The following GPI variants were observed in gnomAD, a reference collection of about 807,000 sequenced individuals.
The protein encoded by GPI is glucose-6-phosphate isomerase.
A neutral mutation model predicts 75.8 loss-of-function variants in GPI; 56 were observed. That is an observed-to-expected ratio of 0.74 (90% CI 0.60 to 0.92). GPI has a LOEUF of 0.92. Ranked by LOEUF, GPI falls within the 40% of genes least tolerant of loss-of-function variation. The pLI is 0.00. For synonymous variants in GPI, 288 were observed against 285.4 expected, an observed-to-expected ratio of 1.01 and a Z score of -0.09; for missense variants, 638 against 741.0, an observed-to-expected ratio of 0.86 and a Z score of 1.61.
chr19:34,363,744 A>G (rs949053497), upstream of GPI, among the ~76,000 whole-genome samples: 7 of 152,094 alleles, frequency 4.6e-5, no homozygotes, highest in Admixed American at 1.3e-4. Flanking sequence ...CGCTTGAACC[A>G]GGGAGGTGGA....
chr19:34,396,237 C>G, intron 12 of GPI, 64 bp from the exon 13 acceptor site: 1 of 1,593,360 alleles, frequency 6.3e-7, no homozygotes, highest in Non-Finnish European at 8.6e-7. Flanking sequence ...TGCGCTCAGC[C>G]TCTTTCTTTC....
At chr19:34,368,972 A>G (rs1009408186) in intron 4 of GPI, among the ~76,000 whole-genome samples, 3 of 152,106 alleles carry the variant, frequency 2.0e-5, no homozygotes, top group Non-Finnish European at 4.4e-5. Flanking sequence ...ACTCATGGTG[A>G]CAAACCACAG....
At chr19:34,379,426 C>A (rs1314267324) in intron 7 of GPI, 92 bp from the exon 8 acceptor site, 6 of 1,083,992 alleles carry the variant, frequency 5.5e-6, no homozygotes, top group South Asian at 1.2e-5. Flanking sequence ...GAATCTCAGT[C>A]CCATGCAGGG....
At chr19:34,361,705 G>T (rs1344044249), upstream of GPI, among the ~76,000 whole-genome samples, 1 of 152,148 alleles carries the variant, frequency 6.6e-6, no homozygotes, top group Non-Finnish European at 1.5e-5. Flanking sequence ...TCCAGGCTGG[G>T]CGCGGTGTTG....
In GPI at chr19:34,401,049, C is replaced by CT. The variant is rs1259828098; in HGVS notation, c.*1027dup. 1,793 of 120,130 alleles carry CT rather than the reference C, an allele frequency of 0.015. 38 individuals are homozygous for CT. Among genetic ancestry groups the CT allele is most frequent in the African/African-American group, 0.05 (1,578 of 31,674 alleles). 7.4% of individuals were successfully genotyped at this position (120,130 alleles called of 1,614,324 possible). A position where few individuals can be genotyped will look rare whatever the true frequency, so the allele number is the denominator to read the frequency against. On this transcript the variant is annotated 3_prime_UTR_variant, in exon 18 of 18. Transcript: ENST00000356487. ...CCCATTTTTTTTTTTTTTTTGACAA[C>CT]TTTTTTTTTTTTTTGAGACAGGGTC...
chr19:34,379,909 G>C, intron 8 of GPI: 1 of 412,662 alleles, frequency 2.4e-6, no homozygotes, highest in Non-Finnish European at 4.4e-6. Context: ...GGTAGAGGAT[G>C]CATTCCATTT....
At chr19:34,361,493 T>C (rs1181203912), upstream of GPI, among the ~76,000 whole-genome samples, 2 of 152,206 alleles carry the variant, frequency 1.3e-5, no homozygotes, top group African/African-American at 4.8e-5. Flanking sequence ...AGCATGGAGC[T>C]GTGCACGTAG....
At chr19:34,377,689 T>A in intron 5 of GPI, 46 bp from the exon 6 acceptor site, 2 of 1,610,280 alleles carry the variant, frequency 1.2e-6, no homozygotes, top group South Asian at 2.2e-5. Context: ...TCTCCACTTT[T>A]CGTGGGCCCT....
intron 16 of GPI, 36 bp downstream of exon 16, chr19:34,399,667 G>C: frequency 6.2e-7 from 1 of 1,613,644 alleles, no homozygotes; most frequent in Non-Finnish European, 8.5e-7. Context: ...GCTTGGGGTA[G>C]GTTGGAATGG....
In GPI at chr19:34,366,863, C is replaced by T. The variant is rs1326315975; in HGVS notation, c.282+12C>T. 1.3e-6 allele frequency: 2 copies of T among 1,597,630 alleles called. No homozygotes were observed. The highest frequency in any genetic ancestry group is 1.3e-5 in the African/African-American group (1 of 74,742). ...TCAACTACACCGAGGTGAGCAGGCC[C>T]CACATACCCTCTGGGGCCTCCTTCC... On this transcript the variant is annotated intron_variant, in intron 3 of 17. Coordinates refer to ENST00000356487, the MANE Select transcript of GPI (RefSeq NM_000175.5).
At chr19:34,378,783 C>T in intron 6 of GPI, 151 bp from the exon 7 acceptor site, 1 of 703,406 alleles carries the variant, frequency 1.4e-6, no homozygotes. Flanking sequence ...GCTGGAATCT[C>T]AGGAGGTTAT....
At position 34,400,015 on chromosome 19, in the gene GPI, G is replaced by A; in HGVS notation, c.1656G>A (p.Gln552=). 6.2e-7 allele frequency: 1 copy of A among 1,613,028 alleles called. No homozygotes were observed. The highest frequency in any genetic ancestry group is 1.3e-5 in the African/African-American group (1 of 75,008). ...TNGLINFIKQ[Q]REARVQ The stretch of plus-strand genomic sequence containing the variant: ...GGCTCATCAACTTCATCAAGCAGCA[G>A]CGCGAGGCCAGAGTCCAATAAACTC... Residue 552 remains glutamine (Q), a synonymous_variant, in exon 18 of 18, where the codon CAG becomes CAA. Coordinates refer to ENST00000356487, the MANE Select transcript of GPI (RefSeq NM_000175.5).
chr19:34,384,212 C>T (rs1568339162), intron 9 of GPI, among the ~76,000 whole-genome samples: 3 of 152,072 alleles, frequency 2.0e-5, no homozygotes, highest in Non-Finnish European at 4.4e-5. Context: ...CCTGGGTCCC[C>T]TGGGAAGAGA....
At chr19:34,361,918 C>T (rs2074303529), upstream of GPI, among the ~76,000 whole-genome samples, 1 of 151,886 alleles carries the variant, frequency 6.6e-6, no homozygotes, top group Non-Finnish European at 1.5e-5. Flanking sequence ...AGATCGAGAC[C>T]ATCCTGGTCA....
Position 34,399,216 on chromosome 19 carries a change from G to A in GPI, c.1279G>A (p.Ala427Thr). The change falls in exon 15 of 18, where the codon GCC becomes ACC. Residue 427 changes from alanine (A) to threonine (T), a missense_variant. Ala to Thr is a moderately conservative substitution (Grantham distance 58). Coordinates refer to ENST00000356487, the MANE Select transcript of GPI (RefSeq NM_000175.5). ...RKGLHHKILLANFLAQTEALM... is the reference protein window; with the variant it reads ...RKGLHHKILLTNFLAQTEALM... Reference sequence around the variant, plus strand: ...ATGTCTCGCTCATCAGATCCTCCTGGCCAACTTCTTGGCCCAGACAGAGGC... The same window carrying A: ...ATGTCTCGCTCATCAGATCCTCCTGACCAACTTCTTGGCCCAGACAGAGGC... 6.2e-7 allele frequency: 1 copy of A among 1,613,046 alleles called. No individual in the cohort carries two copies.
At chr19:34,392,203 GCC>G (rs1361317625) in intron 9 of GPI, 37 of 105,464 alleles carry the variant, frequency 3.5e-4, no homozygotes, top group East Asian at 8.4e-4. Context: ...GTTGGATCTG[GCC>G]CCCTTATGAG....
At chr19:34,391,865 T>G (rs559975469) in intron 9 of GPI, among the ~76,000 whole-genome samples, 2 of 16,464 alleles carry the variant, frequency 1.2e-4, no homozygotes, top group South Asian at 3.6e-3. Flanking sequence ...GGCATAAGCA[T>G]GAGGATCTGG....
chr19:34,379,631 C>G, intron 8 of GPI, 69 bp downstream of exon 8: 1 of 1,276,058 alleles, frequency 7.8e-7, no homozygotes, highest in Non-Finnish European at 1.1e-6. Flanking sequence ...CATGGCCTCT[C>G]AGAGACGCGG....
intron 9 of GPI, among the ~76,000 whole-genome samples, chr19:34,384,457 A>G (rs1456564921): frequency 6.6e-6 from 1 of 152,132 alleles, no homozygotes; most frequent in Non-Finnish European, 1.5e-5. Context: ...TGGTGGGTAG[A>G]GTTTGTCAGG....
Sources: gnomAD v4.1 joint callset for allele counts (sites outside exome capture counted in the v4.1 genomes callset) on GRCh38, gnomAD v4.1.1 for gene constraint, MANE v1.5 for transcripts, NCBI Gene and HGNC (gene_info 2026-07-23, HGNC 2026-07-21) for gene names.